SYT2: variants seen among roughly 807,000 people sequenced by gnomAD.
The protein encoded by SYT2 is synaptotagmin-2.
In SYT2, 15 loss-of-function variants were observed where a neutral mutation model predicts 39.9. That is an observed-to-expected ratio of 0.38 (90% CI 0.25 to 0.58). The LOEUF (loss-of-function observed/expected upper bound fraction) is 0.58, where lower values mean the gene tolerates loss of function less well. Ranked by LOEUF, SYT2 falls within the 20% of genes least tolerant of loss-of-function variation. The pLI is 0.70. For missense variants in SYT2, 389 were observed against 530.3 expected (o/e 0.73, Z 2.62); for synonymous variants, 181 against 204.5 (o/e 0.89, Z 0.98).
intron 1 of SYT2, among the ~76,000 whole-genome samples, chr1:202,655,669 G>A (rs546074878): frequency 5.3e-5 from 8 of 152,260 alleles, no homozygotes; most frequent in African/African-American, 1.4e-4. Flanking sequence ...GGGGTTACAC[G>A]ATCCTGCTTG....
chr1:202,625,526 G>A (rs995436938), intron 1 of SYT2, among the ~76,000 whole-genome samples: 1 of 151,850 alleles, frequency 6.6e-6, no homozygotes, highest in Non-Finnish European at 1.5e-5. Flanking sequence ...CAAGCTGCAG[G>A]AGAGTAGCTG....
chr1:202,687,782 C>T (rs1187318886), intron 1 of SYT2, among the ~76,000 whole-genome samples: 3 of 152,022 alleles, frequency 2.0e-5, no homozygotes, highest in East Asian at 3.9e-4. Context: ...AAAAGCCTTG[C>T]TTTTGTTTAA....
chr1:202,634,589 T>C (rs1395802655), intron 1 of SYT2, among the ~76,000 whole-genome samples: 2 of 152,168 alleles, frequency 1.3e-5, no homozygotes, highest in African/African-American at 4.8e-5. Flanking sequence ...CAAATGTTGA[T>C]AGCAGCATTA....
intron 1 of SYT2, among the ~76,000 whole-genome samples, chr1:202,645,206 GT>G (rs545399409): frequency 5.9e-5 from 9 of 152,030 alleles, no homozygotes; most frequent in African/African-American, 2.2e-4. Context: ...GGCACCAGGG[GT>G]TTCCCCCCAC....
intron 1 of SYT2, among the ~76,000 whole-genome samples, chr1:202,681,960 A>G (rs985716666): frequency 2.0e-5 from 3 of 152,162 alleles, no homozygotes; most frequent in Admixed American, 6.5e-5. Flanking sequence ...AAAGCCAACC[A>G]TGGAGCTGCT....
chr1:202,659,420 C>T (rs946012429), intron 1 of SYT2, among the ~76,000 whole-genome samples: 2 of 152,144 alleles, frequency 1.3e-5, no homozygotes. Context: ...GAGGGTTTCC[C>T]GGGACTCCAA....
intron 1 of SYT2, among the ~76,000 whole-genome samples, chr1:202,664,011 C>T (rs1218461196): frequency 2.0e-5 from 3 of 152,170 alleles, no homozygotes; most frequent in Admixed American, 1.3e-4. Flanking sequence ...GAGGCAGCAT[C>T]GGGGATGTCA....
At chr1:202,700,520 C>T (rs1654085879) in intron 1 of SYT2, among the ~76,000 whole-genome samples, 1 of 152,196 alleles carries the variant, frequency 6.6e-6, no homozygotes, top group African/African-American at 2.4e-5. Context: ...AAAATTAAAA[C>T]TGAGAAATTT....
chr1:202,645,895 C>A (rs1692071498), intron 1 of SYT2, among the ~76,000 whole-genome samples: 1 of 152,210 alleles, frequency 6.6e-6, no homozygotes, highest in Non-Finnish European at 1.5e-5. Flanking sequence ...GAGAACCCTT[C>A]CCCTGATAGG....
intron 1 of SYT2, chr1:202,632,632 G>A (rs560304768): frequency 1.0e-6 from 1 of 974,874 alleles, no homozygotes; most frequent in African/African-American, 1.8e-5. Context: ...TCTCCAAGCA[G>A]GGGAAAAGAG....
chr1:202,697,490 G>A (rs966783173), intron 1 of SYT2, among the ~76,000 whole-genome samples: 5 of 152,250 alleles, frequency 3.3e-5, no homozygotes, highest in African/African-American at 7.2e-5. Context: ...ACTCTGAGCC[G>A]AATGTCCTGA....
intron 1 of SYT2, among the ~76,000 whole-genome samples, chr1:202,627,998 T>C (rs1461252349): frequency 3.9e-5 from 6 of 152,108 alleles, no homozygotes; most frequent in Admixed American, 6.5e-5. Context: ...CAGGGCTCTT[T>C]CCTTCCCAAC....
intron 1 of SYT2, among the ~76,000 whole-genome samples, chr1:202,704,587 TCA>T (rs1027000964): frequency 6.6e-6 from 1 of 152,062 alleles, no homozygotes; most frequent in Non-Finnish European, 1.5e-5. Context: ...AGAGAAGCAG[TCA>T]CACACCCACT....
At position 202,596,766 on chromosome 1, in the gene SYT2, C is replaced by T. The variant is rs1406344735; in HGVS notation, c.1251G>A (p.Lys417=). Residue 417 remains lysine (K), a synonymous_variant, in exon 9 of 9, where the codon AAG becomes AAA. Transcript: ENST00000367268. The part of the protein sequence containing the change: ...PEEEVDALLG[K]NK ...TCCCAGCCGCTGCTGTCTACTTGTT[C>T]TTGCCCAGGAGTGCATCCACCTCCT... The T allele has an allele frequency of 1.2e-6, 2 of 1,613,440 alleles. No individual in the cohort carries two copies. The highest frequency in any genetic ancestry group is 1.7e-6 in the Non-Finnish European group (2 of 1,179,564).
intron 1 of SYT2, among the ~76,000 whole-genome samples, chr1:202,692,857 C>G (rs1653871704): frequency 6.6e-6 from 1 of 152,056 alleles, no homozygotes; most frequent in African/African-American, 2.4e-5. Flanking sequence ...CCCAGGAGTT[C>G]AAGACCAGCC....
chr1:202,600,248 G>T, intron 7 of SYT2, 109 bp downstream of exon 7: 1 of 901,408 alleles, frequency 1.1e-6, no homozygotes, highest in Non-Finnish European at 1.8e-6. Context: ...AGACATCTCA[G>T]TCCCAGGGCA....
intron 1 of SYT2, among the ~76,000 whole-genome samples, chr1:202,709,356 G>T (rs797015823): frequency 2.0e-5 from 3 of 152,214 alleles, no homozygotes; most frequent in Admixed American, 6.5e-5. Flanking sequence ...TGTGGAATGT[G>T]GGGATGAAAA....
At chr1:202,649,348 G>A (rs1264046675) in intron 1 of SYT2, among the ~76,000 whole-genome samples, 1 of 152,228 alleles carries the variant, frequency 6.6e-6, no homozygotes, top group East Asian at 1.9e-4. Flanking sequence ...TGGAGTTAAT[G>A]AGATTCAAGT....
chr1:202,656,193 C>T (rs1396695715), intron 1 of SYT2, among the ~76,000 whole-genome samples: 1 of 152,228 alleles, frequency 6.6e-6, no homozygotes, highest in East Asian at 1.9e-4. Flanking sequence ...CAAACGCTCA[C>T]ATGCTCCAAT....
Sources: allele counts gnomAD v4.1 joint callset (sites outside exome capture counted in the v4.1 genomes callset), GRCh38; gene constraint gnomAD v4.1.1; transcripts MANE v1.5; gene names NCBI Gene and HGNC (gene_info 2026-07-23, HGNC 2026-07-21).